The following RNF6 variants were observed in gnomAD, a reference collection of about 807,000 sequenced individuals.
RNF6 encodes ring finger protein 6.
A neutral mutation model predicts 50.1 loss-of-function variants in RNF6; 21 were observed. The ratio of observed to expected loss-of-function variants is 0.42; its 90% CI spans 0.30 to 0.60. RNF6 has a LOEUF of 0.60. RNF6 is among the 20% of genes least tolerant of loss of function. The pLI, the probability that RNF6 is intolerant of heterozygous loss-of-function variation, is 0.20. For missense variants in RNF6, 698 were observed against 838.2 expected (o/e 0.83, Z 2.07); for synonymous variants, 255 against 291.8 (o/e 0.87, Z 1.29).
Position 26,158,910 on chromosome 13 carries a change from G to A in RNF6, n.769-26459C>T, listed in dbSNP as rs547244477. Among the ~76,000 whole-genome samples, 7 of 152,128 alleles carry A rather than the reference G, an allele frequency of 4.6e-5. No homozygotes were observed. The South Asian group carries it at 1.2e-3, about 27-fold the overall frequency. ...TTCTTTTCTACCATCTCTAACTTGC[G>A]CATAATTTATGATCTGGAACCTTGT... is the stretch of plus-strand genomic sequence containing the variant. On this transcript the variant is annotated intron_variant and non_coding_transcript_variant, in intron 5 of 5. Coordinates refer to the RNF6 transcript ENST00000468480.
chr13:26,179,246 T>C (rs1873120564), intron 5 of RNF6, among the ~76,000 whole-genome samples: 1 of 152,112 alleles, frequency 6.6e-6, no homozygotes, highest in South Asian at 2.1e-4. Flanking sequence ...CATTCTTAGA[T>C]CTAGTCGACG....
intron 5 of RNF6, among the ~76,000 whole-genome samples, chr13:26,133,135 A>C (rs1325781413): frequency 6.6e-6 from 1 of 152,236 alleles, no homozygotes; most frequent in Non-Finnish European, 1.5e-5. Flanking sequence ...TACAAGATAC[A>C]GGAAGACAGT....
intron 5 of RNF6, among the ~76,000 whole-genome samples, chr13:26,169,566 A>T (rs9512140): frequency 0.74 from 113,177 of 152,032 alleles, 42,399 homozygotes; most frequent in East Asian, 0.8. Context: ...TTTTTCCTCT[A>T]TCTTCTTTGA....
chr13:26,187,570 G>A (rs1456358424), intron 5 of RNF6, among the ~76,000 whole-genome samples: 1 of 152,200 alleles, frequency 6.6e-6, no homozygotes. Flanking sequence ...ATTAGGCCAA[G>A]TTCTGGAAGC....
intron 5 of RNF6, among the ~76,000 whole-genome samples, chr13:26,164,002 A>C (rs1486707014): frequency 6.6e-6 from 1 of 152,234 alleles, no homozygotes; most frequent in Non-Finnish European, 1.5e-5. Flanking sequence ...GCTGTCACAA[A>C]AATAGGATAC....
chr13:26,164,186 T>C (rs1410325873), intron 5 of RNF6, among the ~76,000 whole-genome samples: 1 of 152,214 alleles, frequency 6.6e-6, no homozygotes, highest in African/African-American at 2.4e-5. Flanking sequence ...TGGGACTTAT[T>C]ACAGTCCCTG....
At chr13:26,141,265 T>C (rs1870930523) in intron 5 of RNF6, among the ~76,000 whole-genome samples, 1 of 151,850 alleles carries the variant, frequency 6.6e-6, no homozygotes. Flanking sequence ...CCATCTCTAC[T>C]AAAAATACAA....
chr13:26,137,325 A>G (rs1199868178), intron 5 of RNF6, among the ~76,000 whole-genome samples: 1 of 152,174 alleles, frequency 6.6e-6, no homozygotes, highest in East Asian at 1.9e-4. Context: ...AAAGAAAATT[A>G]GAATGAGCAG....
At chr13:26,155,620 G>T (rs558340984) in intron 5 of RNF6, among the ~76,000 whole-genome samples, 8 of 152,348 alleles carry the variant, frequency 5.3e-5, no homozygotes, top group African/African-American at 1.9e-4. Context: ...TGAAAGGCAA[G>T]CCAGAGCCTG....
In RNF6 at chr13:26,205,462, G is replaced by A. The variant is rs114884131; in HGVS notation, n.768+10012C>T. On this transcript the variant is annotated intron_variant and non_coding_transcript_variant, in intron 5 of 5. Transcript: ENST00000468480. ...TTCTCAATAGGACTGGACTAGTTCA[G>A]AAAATGCCTTTCCATGGGATATATA... 8.4e-3 allele frequency among the ~76,000 whole-genome samples: 1,280 copies of A among 152,310 alleles called. 15 individuals are homozygous for A. The highest frequency in any genetic ancestry group is 0.029 in the African/African-American group (1,197 of 41,570).
Position 26,178,930 on chromosome 13 carries a change from C to T in RNF6, n.768+36544G>A, listed in dbSNP as rs1873104226. Among the ~76,000 whole-genome samples the T allele has an allele frequency of 2.0e-5, 3 of 152,152 alleles. No individual in the cohort carries two copies. The South Asian group carries it at 6.2e-4, about 32-fold the overall frequency. Reference sequence around the variant, plus strand: ...CTTATTTCACTTAGTATAATGTCCTCCAGATTCATCCATGTTGTCGCAAAG... The same window carrying T: ...CTTATTTCACTTAGTATAATGTCCTTCAGATTCATCCATGTTGTCGCAAAG... On this transcript the variant is annotated intron_variant and non_coding_transcript_variant, in intron 5 of 5. Coordinates refer to the RNF6 transcript ENST00000468480.
intron 5 of RNF6, among the ~76,000 whole-genome samples, chr13:26,145,766 CTGCAGGAT>C (rs1268527902): frequency 6.6e-6 from 1 of 152,212 alleles, no homozygotes; most frequent in South Asian, 2.1e-4. Context: ...TCTGAAATCA[CTGCAGGAT>C]TGCAGGATTG....
chr13:26,142,801 T>C (rs1007294112), intron 5 of RNF6, among the ~76,000 whole-genome samples: 2 of 152,070 alleles, frequency 1.3e-5, no homozygotes, highest in African/African-American at 2.4e-5. Flanking sequence ...ATGGGATCAA[T>C]AGAACCCCAA....
chr13:26,194,133 T>C, intron 5 of RNF6, among the ~76,000 whole-genome samples: 1 of 152,190 alleles, frequency 6.6e-6, no homozygotes, highest in East Asian at 1.9e-4. Context: ...CTAGTCGATA[T>C]AGATGAGAAC....
intron 5 of RNF6, among the ~76,000 whole-genome samples, chr13:26,137,018 T>C (rs560970904): frequency 1.3e-5 from 2 of 152,236 alleles, no homozygotes; most frequent in South Asian, 4.1e-4. Flanking sequence ...CTTTGAAAAA[T>C]AACAACTCAC....
At chr13:26,198,930 T>C (rs982108662) in intron 5 of RNF6, among the ~76,000 whole-genome samples, 16 of 152,030 alleles carry the variant, frequency 1.1e-4, no homozygotes, top group Admixed American at 9.8e-4. Context: ...TAACAAGATG[T>C]ACAAAACACA....
chr13:26,189,911 A>G (rs1233648758), intron 5 of RNF6, among the ~76,000 whole-genome samples: 7 of 152,192 alleles, frequency 4.6e-5, no homozygotes. Context: ...GATCTGGAAA[A>G]TATGGAAAAT....
In RNF6 at chr13:26,215,377, A is replaced by T; in HGVS notation, c.505T>A (p.Tyr169Asn). ...CTATCTGAAAGTGGAATGTCTGTAT[A>T]ATCTTCTCCATGAATTTCAAATCCT... ...NRGFEIHGED[Y>N]TDIPLSDSNR... The change falls in exon 5 of 5, where the codon TAT becomes AAT. Residue 169 changes from tyrosine to asparagine, a missense_variant. Tyr to Asn is a moderately radical substitution (Grantham distance 143, BLOSUM62 -2). Coordinates refer to ENST00000381588, the MANE Select transcript of RNF6 (RefSeq NM_005977.4). The T allele has an allele frequency of 6.2e-7, 1 of 1,614,210 alleles. No individual in the cohort carries two copies. Among genetic ancestry groups the T allele is most frequent in the African/African-American group, 1.3e-5 (1 of 75,050 alleles).
Position 26,149,952 on chromosome 13 carries a change from G to A in RNF6, n.769-17501C>T, listed in dbSNP as rs957911642. Reference sequence around the variant, plus strand: ...TATATACACAGTGTATATATAATGTGTATATATATATACACAGTGTATATA... The same window carrying A: ...TATATACACAGTGTATATATAATGTATATATATATATACACAGTGTATATA... On this transcript the variant is annotated intron_variant and non_coding_transcript_variant, in intron 5 of 5. Coordinates refer to the RNF6 transcript ENST00000468480. 1.1e-4 allele frequency among the ~76,000 whole-genome samples: 8 copies of A among 69,952 alleles called. 2 individuals are homozygous for A. In the South Asian group the frequency reaches 3.0e-3, roughly 26 times the overall value. 45.9% of individuals were successfully genotyped at this position (69,952 alleles called of 152,430 possible). A position where few individuals can be genotyped will look rare whatever the true frequency, so the allele number is the denominator to read the frequency against.
Sources: gnomAD v4.1 joint callset for allele counts (sites outside exome capture counted in the v4.1 genomes callset) on GRCh38, gnomAD v4.1.1 for gene constraint, MANE v1.5 for transcripts, NCBI Gene and HGNC (gene_info 2026-07-23, HGNC 2026-07-21) for gene names.